DLGAP2: variants seen among roughly 807,000 people sequenced by gnomAD.
DLGAP2 encodes disks large-associated protein 2.
In DLGAP2, 26 loss-of-function variants were observed where a neutral mutation model predicts 100.3. That is an observed-to-expected ratio of 0.26 (90% CI 0.19 to 0.36). DLGAP2 has a LOEUF of 0.36. DLGAP2 is among the 10% of genes least tolerant of loss of function. The pLI, the probability that DLGAP2 is intolerant of heterozygous loss-of-function variation, is 1.00. For missense variants in DLGAP2, 1,858 were observed against 1,453.2 expected, an observed-to-expected ratio of 1.28 and a Z score of -4.53; for synonymous variants, 886 against 630.1, an observed-to-expected ratio of 1.41 and a Z score of -6.08.
At chr8:1,337,519 C>G (rs1156891052) in intron 3 of DLGAP2, among the ~76,000 whole-genome samples, 1 of 135,160 alleles carries the variant, frequency 7.4e-6, no homozygotes, top group African/African-American at 2.7e-5. Context: ...GATGGTGATG[C>G]TGATGATAGT....
At chr8:943,742 G>T (rs547565903) in intron 2 of DLGAP2, among the ~76,000 whole-genome samples, 1 of 152,098 alleles carries the variant, frequency 6.6e-6, no homozygotes, top group Non-Finnish European at 1.5e-5. Context: ...CAAGCACAGC[G>T]AGAACCGCTC....
At chr8:1,599,962 A>T (rs568664241) in intron 6 of DLGAP2, among the ~76,000 whole-genome samples, 10 of 152,274 alleles carry the variant, frequency 6.6e-5, no homozygotes, top group Non-Finnish European at 1.5e-4. Flanking sequence ...ATTTCTTCAT[A>T]GTGTCGATGG....
At chr8:997,072 C>G (rs1251956984) in intron 2 of DLGAP2, among the ~76,000 whole-genome samples, 1 of 152,116 alleles carries the variant, frequency 6.6e-6, no homozygotes, top group African/African-American at 2.4e-5. Context: ...AATATACATG[C>G]ATGTGACGGA....
At position 1,678,354 on chromosome 8, in the gene DLGAP2, G is replaced by A; in HGVS notation, c.2429G>A (p.Ser810Asn). ...GSSFQRHSEP[S>N]TPTQYSAVRT... ...TCCTTCCAGCGGCACTCCGAGCCCA[G>A]CACCCCCACCCAGTACAGCGCGGTG... Residue 810 changes from serine to asparagine, a missense_variant, in exon 12 of 15, where the codon AGC becomes AAC. Physicochemically the swap from Ser to Asn is conservative, Grantham distance 46. Coordinates refer to ENST00000637795, the MANE Select transcript of DLGAP2 (RefSeq NM_001346810.2). 2 of 1,613,998 alleles carry A rather than the reference G, an allele frequency of 1.2e-6. No individual in the cohort carries two copies. The highest frequency in any genetic ancestry group is 1.7e-6 in the Non-Finnish European group (2 of 1,179,894).
At chr8:1,004,880 T>C (rs1801061564) in intron 2 of DLGAP2, among the ~76,000 whole-genome samples, 1 of 152,158 alleles carries the variant, frequency 6.6e-6, no homozygotes, top group African/African-American at 2.4e-5. Flanking sequence ...AATGAAAATG[T>C]GATGCAGTGG....
At chr8:1,407,054 G>A (rs1176550657) in intron 3 of DLGAP2, among the ~76,000 whole-genome samples, 5 of 21,724 alleles carry the variant, frequency 2.3e-4, no homozygotes, top group Admixed American at 4.5e-4. Flanking sequence ...CCACCTCCTT[G>A]TCCTCCGGAG....
intron 1 of DLGAP2, among the ~76,000 whole-genome samples, chr8:850,675 A>T (rs1797168495): frequency 6.6e-6 from 1 of 152,294 alleles, no homozygotes; most frequent in African/African-American, 2.4e-5. Context: ...TATATGCATT[A>T]TTGGCCTTTA....
At chr8:1,423,647 C>G (rs913093772) in intron 3 of DLGAP2, among the ~76,000 whole-genome samples, 4 of 152,186 alleles carry the variant, frequency 2.6e-5, no homozygotes, top group Non-Finnish European at 5.9e-5. Flanking sequence ...TTATTGAACT[C>G]TTGGAGGAAT....
intron 1 of DLGAP2, among the ~76,000 whole-genome samples, chr8:748,764 G>A (rs1298582954): frequency 6.6e-6 from 1 of 152,190 alleles, no homozygotes; most frequent in Non-Finnish European, 1.5e-5. Context: ...CAGTGGACTG[G>A]GATGCTCTCG....
At chr8:1,648,681 G>A (rs1011172833) in intron 8 of DLGAP2, among the ~76,000 whole-genome samples, 2 of 152,134 alleles carry the variant, frequency 1.3e-5, no homozygotes, top group Non-Finnish European at 2.9e-5. Flanking sequence ...GCTGCTCAGA[G>A]ACCCGCAGGT....
At chr8:944,966 G>A (rs548268641) in intron 2 of DLGAP2, among the ~76,000 whole-genome samples, 1 of 152,308 alleles carries the variant, frequency 6.6e-6, no homozygotes, top group East Asian at 1.9e-4. Flanking sequence ...GATTTTCCTA[G>A]TGATCTGTGG....
chr8:1,673,030 C>T (rs1262898702), intron 10 of DLGAP2, among the ~76,000 whole-genome samples: 3 of 152,206 alleles, frequency 2.0e-5, no homozygotes, highest in African/African-American at 4.8e-5. Flanking sequence ...GCTTTGACGC[C>T]GCTGCTAGCC....
chr8:1,374,146 G>A (rs1322070990), intron 3 of DLGAP2, among the ~76,000 whole-genome samples: 1 of 150,664 alleles, frequency 6.6e-6, no homozygotes, highest in Non-Finnish European at 1.5e-5. Flanking sequence ...AGAGGGCTGT[G>A]TAGTGTGGAG....
chr8:1,089,905 G>A lies in DLGAP2; in HGVS notation c.74-168946G>A, dbSNP rs1421314086. 2.0e-5 allele frequency among the ~76,000 whole-genome samples: 3 copies of A among 152,226 alleles called. No homozygotes were observed. The South Asian group carries it at 6.2e-4, about 32-fold the overall frequency. ...TCTTGCCAAAGAGCTGCAGCTCTGA[G>A]CTGTGCAAATCCACTGCTTGGGATG... On this transcript the variant is annotated intron_variant, in intron 2 of 14. Coordinates refer to ENST00000637795, the MANE Select transcript of DLGAP2 (RefSeq NM_001346810.2).
Position 1,464,431 on chromosome 8 carries a change from T to G in DLGAP2, c.107-36935T>G, listed in dbSNP as rs1298491298. Among the ~76,000 whole-genome samples, 2 of 104,934 alleles carry G rather than the reference T, an allele frequency of 1.9e-5. 1 individual carries two copies. The allele number at this position is 104,934 out of a possible 152,430, so 68.8% of individuals were successfully genotyped here. ...CAGGACAGCTCCCTTTCAGGCTGGCTTCCTTCCAGCTGAGCTCCCAGGCAG... is the reference window on the plus strand; with the variant it reads ...CAGGACAGCTCCCTTTCAGGCTGGCGTCCTTCCAGCTGAGCTCCCAGGCAG... On this transcript the variant is annotated intron_variant, in intron 3 of 14. Coordinates refer to ENST00000637795, the MANE Select transcript of DLGAP2 (RefSeq NM_001346810.2).
At chr8:842,079 T>C (rs1045376873) in intron 1 of DLGAP2, among the ~76,000 whole-genome samples, 1 of 152,204 alleles carries the variant, frequency 6.6e-6, no homozygotes, top group Non-Finnish European at 1.5e-5. Flanking sequence ...ATATTGGCAT[T>C]GTCAGAGCAG....
chr8:794,710 A>G (rs1018659066), intron 1 of DLGAP2, among the ~76,000 whole-genome samples: 1 of 152,118 alleles, frequency 6.6e-6, no homozygotes, highest in African/African-American at 2.4e-5. Context: ...AGTGCTGTAG[A>G]GATTTTGTTT....
intron 3 of DLGAP2, among the ~76,000 whole-genome samples, chr8:1,310,808 C>T (rs113318730): frequency 1.3e-5 from 2 of 152,234 alleles, no homozygotes; most frequent in South Asian, 2.1e-4. Flanking sequence ...CAGGCACCCA[C>T]CACCACACCC....
intron 3 of DLGAP2, among the ~76,000 whole-genome samples, chr8:1,482,664 T>C (rs1197176426): frequency 6.6e-6 from 1 of 152,214 alleles, no homozygotes; most frequent in Non-Finnish European, 1.5e-5. Context: ...CGGGAGTCCC[T>C]GCGCGGTGGT....
Sources: gnomAD v4.1 joint callset for allele counts (sites outside exome capture counted in the v4.1 genomes callset) on GRCh38, gnomAD v4.1.1 for gene constraint, MANE v1.5 for transcripts, NCBI Gene and HGNC (gene_info 2026-07-23, HGNC 2026-07-21) for gene names.